The following KDM4C variants were observed in gnomAD, a reference collection of about 807,000 sequenced individuals.
KDM4C encodes the protein lysine-specific demethylase 4C.
KDM4C carries 81 observed loss-of-function variants against 129.3 expected under a neutral mutation model. The observed-to-expected ratio is 0.63, with a 90% confidence interval of 0.52 to 0.75. The LOEUF (loss-of-function observed/expected upper bound fraction) is 0.75, where lower values mean the gene tolerates loss of function less well. Ranked by LOEUF, KDM4C falls within the 30% of genes least tolerant of loss-of-function variation. The pLI is 0.00. For synonymous variants in KDM4C, 573 were observed against 456.1 expected (o/e 1.26, Z -3.26); for missense variants, 1,457 against 1,304.0 (o/e 1.12, Z -1.81).
At chr9:7,111,180 A>G (rs1564131433) in intron 18 of KDM4C, among the ~76,000 whole-genome samples, 2 of 152,222 alleles carry the variant, frequency 1.3e-5, no homozygotes, top group Non-Finnish European at 2.9e-5. Flanking sequence ...GCTGCGTTCT[A>G]AAGGCTTTTC....
chr9:7,113,129 A>G (rs971737256), intron 18 of KDM4C, among the ~76,000 whole-genome samples: 15 of 152,182 alleles, frequency 9.9e-5, no homozygotes, highest in Admixed American at 9.2e-4. Flanking sequence ...GAGTAATGAG[A>G]ATTCTTAGCA....
intron 1 of KDM4C, among the ~76,000 whole-genome samples, chr9:6,771,500 G>A (rs922977043): frequency 9.2e-5 from 14 of 151,492 alleles, no homozygotes; most frequent in Non-Finnish European, 1.6e-4. Flanking sequence ...TAGTAGAGAC[G>A]GGGTTTCTCC....
intron 4 of KDM4C, among the ~76,000 whole-genome samples, chr9:6,844,287 A>G (rs1012793650): frequency 9.2e-5 from 14 of 151,938 alleles, no homozygotes; most frequent in African/African-American, 3.4e-4. Flanking sequence ...ACACTATTTT[A>G]TTTTTAGTGA....
chr9:6,856,906 C>T (rs564391968), intron 5 of KDM4C, among the ~76,000 whole-genome samples: 316 of 151,876 alleles, frequency 2.1e-3, no homozygotes, highest in East Asian at 9.6e-4. Context: ...TACAGGCGCC[C>T]GCCACCGCGC....
intron 8 of KDM4C, among the ~76,000 whole-genome samples, chr9:6,951,057 A>G (rs1183551892): frequency 6.6e-6 from 1 of 152,008 alleles, no homozygotes; most frequent in Admixed American, 6.6e-5. Context: ...TTTTAACTTG[A>G]CAATAATTGT....
At chr9:6,914,683 G>C (rs946684793) in intron 8 of KDM4C, among the ~76,000 whole-genome samples, 8 of 152,182 alleles carry the variant, frequency 5.3e-5, no homozygotes, top group African/African-American at 1.9e-4. Flanking sequence ...TAGGCATTGA[G>C]GGCTCCACGC....
At chr9:6,980,180 C>T (rs927281764) in intron 8 of KDM4C, among the ~76,000 whole-genome samples, 1 of 152,100 alleles carries the variant, frequency 6.6e-6, no homozygotes, top group Non-Finnish European at 1.5e-5. Flanking sequence ...TTCCCTGTTG[C>T]GTAGTGCTGG....
chr9:7,110,140 T>C (rs1230651965), intron 18 of KDM4C, among the ~76,000 whole-genome samples: 3 of 152,212 alleles, frequency 2.0e-5, no homozygotes, highest in African/African-American at 7.2e-5. Flanking sequence ...AAACTATCTT[T>C]GTTTTTTTCG....
chr9:6,986,005 C>G (rs1007774985), intron 10 of KDM4C, among the ~76,000 whole-genome samples: 1 of 152,214 alleles, frequency 6.6e-6, no homozygotes, highest in Non-Finnish European at 1.5e-5. Flanking sequence ...ATCATGCTTT[C>G]TCTTACACTG....
intron 10 of KDM4C, 31 bp downstream of exon 10, chr9:6,984,435 T>A: frequency 7.1e-7 from 1 of 1,410,020 alleles, no homozygotes; most frequent in Non-Finnish European, 1.0e-6. Context: ...GTTTCACATA[T>A]AAGTAGTAGG....
intron 4 of KDM4C, among the ~76,000 whole-genome samples, chr9:6,838,811 A>G (rs188794209): frequency 4.5e-4 from 69 of 152,364 alleles, no homozygotes; most frequent in Non-Finnish European, 7.3e-4. Context: ...ATGATTAACT[A>G]TAAGCAAAAT....
intron 12 of KDM4C, among the ~76,000 whole-genome samples, chr9:7,001,902 T>G (rs1820789528): frequency 6.6e-6 from 1 of 152,172 alleles, no homozygotes; most frequent in Non-Finnish European, 1.5e-5. Flanking sequence ...GGTTTTTGTT[T>G]GTTTGTTTGA....
intron 5 of KDM4C, among the ~76,000 whole-genome samples, chr9:6,859,113 C>G (rs181538824): frequency 6.6e-6 from 1 of 152,170 alleles, no homozygotes; most frequent in Non-Finnish European, 1.5e-5. Context: ...AGTGTGTTGT[C>G]TTTGGTGACT....
intron 4 of KDM4C, among the ~76,000 whole-genome samples, chr9:6,821,507 C>CAT (rs1833025591): frequency 6.6e-6 from 1 of 152,172 alleles, no homozygotes; most frequent in Non-Finnish European, 1.5e-5. Context: ...CTGTTGGCTG[C>CAT]ATAGATGTCT....
At chr9:6,849,809 A>G in intron 5 of KDM4C, 109 bp downstream of exon 5, 1 of 878,326 alleles carries the variant, frequency 1.1e-6, no homozygotes. Flanking sequence ...GATTTATGTG[A>G]GCTGTAAGGA....
intron 4 of KDM4C, among the ~76,000 whole-genome samples, chr9:6,815,639 C>G (rs116154143): frequency 1.7e-3 from 266 of 152,318 alleles, no homozygotes; most frequent in African/African-American, 6.2e-3. Flanking sequence ...AATCCAAAAT[C>G]TAAATGCTCC....
chr9:6,849,347 G>T (rs1325112324), intron 4 of KDM4C, among the ~76,000 whole-genome samples, 160 bp from the exon 5 acceptor site: 1 of 152,208 alleles, frequency 6.6e-6, no homozygotes, highest in Non-Finnish European at 1.5e-5. Flanking sequence ...ATGGACATAT[G>T]TATGTGGCTC....
At chr9:6,944,652 G>GTTTTTCTT (rs1826558779) in intron 8 of KDM4C, among the ~76,000 whole-genome samples, 1 of 80,990 alleles carries the variant, frequency 1.2e-5, no homozygotes, top group African/African-American at 4.7e-5. Flanking sequence ...CAAGGTAGAG[G>GTTTTTCTT]TTTTTTTTTT....
At chr9:6,892,805 A>T (rs962901037) in intron 7 of KDM4C, among the ~76,000 whole-genome samples, 1 of 152,248 alleles carries the variant, frequency 6.6e-6, no homozygotes, top group Non-Finnish European at 1.5e-5. Flanking sequence ...GAACAAATTT[A>T]CTTGAATAAC....
Sources: allele counts gnomAD v4.1 joint callset (sites outside exome capture counted in the v4.1 genomes callset), GRCh38; gene constraint gnomAD v4.1.1; transcripts MANE v1.5; gene names NCBI Gene and HGNC (gene_info 2026-07-23, HGNC 2026-07-21).